Variants in CALCR observed in about 807,000 individuals in gnomAD.
CALCR encodes calcitonin receptor.
A neutral mutation model predicts 59.5 loss-of-function variants in CALCR; 47 were observed. That is an observed-to-expected ratio of 0.79 (90% confidence interval 0.63 to 1.01). The LOEUF is 1.01. CALCR is among the 50% of genes least tolerant of loss of function. CALCR has a pLI of 0.00. For missense variants in CALCR, 566 were observed against 597.1 expected (o/e 0.95, Z 0.54); for synonymous variants, 213 against 211.3 (o/e 1.01, Z -0.07).
chr7:93,495,962 G>A (rs1427345519), intron 2 of CALCR: 11 of 1,509,678 alleles, frequency 7.3e-6, no homozygotes, highest in Non-Finnish European at 9.7e-6. Flanking sequence ...TGGATCAGTG[G>A]GAATCATTTA....
chr7:93,429,456 T>C (rs1325677261), intron 13 of CALCR, among the ~76,000 whole-genome samples: 2 of 152,202 alleles, frequency 1.3e-5, no homozygotes, highest in African/African-American at 2.4e-5. Context: ...CTATTCACTT[T>C]ACTTTTTTTC....
chr7:93,573,055 A>G (rs1790041821), intron 2 of CALCR, among the ~76,000 whole-genome samples: 1 of 152,172 alleles, frequency 6.6e-6, no homozygotes, highest in African/African-American at 2.4e-5. Context: ...TACCAACTTA[A>G]ACTGTAAAGG....
intron 2 of CALCR, among the ~76,000 whole-genome samples, chr7:93,487,732 T>C (rs1005850251): frequency 4.0e-5 from 6 of 151,194 alleles, no homozygotes; most frequent in African/African-American, 1.2e-4. Context: ...TCAGTGGGAG[T>C]TGTGTGAAAC....
chr7:93,482,505 T>C (rs1800820739), intron 3 of CALCR, among the ~76,000 whole-genome samples: 1 of 151,852 alleles, frequency 6.6e-6, no homozygotes, highest in Non-Finnish European at 1.5e-5. Flanking sequence ...TTTGTTTAAA[T>C]CTGGCTTTCT....
intron 6 of CALCR, 143 bp downstream of exon 6, chr7:93,472,232 C>G: frequency 5.0e-6 from 3 of 594,448 alleles, no homozygotes; most frequent in Non-Finnish European, 9.1e-6. Context: ...TCTAGAGATT[C>G]CTAGAACTTA....
intron 2 of CALCR, among the ~76,000 whole-genome samples, chr7:93,503,407 A>AACACACACAC (rs112593093): frequency 1.3e-5 from 2 of 150,848 alleles, no homozygotes; most frequent in African/African-American, 4.9e-5. Context: ...AATAATTAGA[A>AACACACACAC]ACACACACAC....
chr7:93,531,700 T>C (rs537005613), intron 2 of CALCR, among the ~76,000 whole-genome samples: 2 of 152,242 alleles, frequency 1.3e-5, no homozygotes, highest in East Asian at 3.9e-4. Flanking sequence ...CTAGTTTCCA[T>C]GTCAACAATG....
intron 2 of CALCR, among the ~76,000 whole-genome samples, chr7:93,491,882 C>T (rs1371882156): frequency 6.6e-6 from 1 of 151,738 alleles, no homozygotes; most frequent in Non-Finnish European, 1.5e-5. Flanking sequence ...ACCATTTGAC[C>T]CAGCAATCCC....
intron 11 of CALCR, among the ~76,000 whole-genome samples, chr7:93,437,762 C>T (rs1799810029): frequency 6.6e-6 from 1 of 152,132 alleles, no homozygotes; most frequent in Admixed American, 6.6e-5. Flanking sequence ...CTTCTTGCAG[C>T]CCCTTGGCCT....
chr7:93,467,553 T>C (rs1457543541), intron 7 of CALCR, among the ~76,000 whole-genome samples: 2 of 151,760 alleles, frequency 1.3e-5, no homozygotes, highest in South Asian at 2.1e-4. Context: ...ATTAAGATTC[T>C]ACTATGTTTT....
chr7:93,542,582 A>G (rs1390710227), intron 2 of CALCR, among the ~76,000 whole-genome samples: 1 of 152,102 alleles, frequency 6.6e-6, no homozygotes, highest in Non-Finnish European at 1.5e-5. Context: ...TTTCTCCAAT[A>G]ATTTATATTT....
At chr7:93,450,412 C>T (rs937662828) in intron 8 of CALCR, among the ~76,000 whole-genome samples, 1 of 151,970 alleles carries the variant, frequency 6.6e-6, no homozygotes, top group Non-Finnish European at 1.5e-5. Flanking sequence ...ATGGACTCCA[C>T]ATTCACATGG....
At chr7:93,553,998 A>G (rs1259529332) in intron 2 of CALCR, among the ~76,000 whole-genome samples, 1 of 152,154 alleles carries the variant, frequency 6.6e-6, no homozygotes, top group Non-Finnish European at 1.5e-5. Flanking sequence ...ATGAAAAGAA[A>G]CCTATTTGTC....
chr7:93,432,734 A>C (rs1217982699), intron 13 of CALCR, among the ~76,000 whole-genome samples: 1 of 152,126 alleles, frequency 6.6e-6, no homozygotes, highest in African/African-American at 2.4e-5. Context: ...GGTATGCCCC[A>C]CTGAGCCTGA....
intron 8 of CALCR, among the ~76,000 whole-genome samples, chr7:93,457,236 A>C (rs1800227005): frequency 6.6e-6 from 1 of 152,202 alleles, no homozygotes; most frequent in East Asian, 1.9e-4. Flanking sequence ...CTTGTGAGCA[A>C]TCACTTGTAA....
chr7:93,429,919 T>C (rs1265835145), intron 13 of CALCR, among the ~76,000 whole-genome samples: 2 of 86,158 alleles, frequency 2.3e-5, no homozygotes, highest in East Asian at 8.9e-4. Context: ...AGACGGTTTT[T>C]TTTTTTGTTT....
Position 93,550,299 on chromosome 7 carries a change from G to A in CALCR, c.-27+23990C>T, listed in dbSNP as rs1036835890. Reference sequence around the variant, plus strand: ...GAGGTCAGGAGTTCGAGAGCAGCCTGGCCAACATGGTGAAATCCCGTCTCT... The same window carrying A: ...GAGGTCAGGAGTTCGAGAGCAGCCTAGCCAACATGGTGAAATCCCGTCTCT... On this transcript the variant is annotated intron_variant, in intron 2 of 13. Transcript: ENST00000426151. 3.3e-5 allele frequency among the ~76,000 whole-genome samples: 5 copies of A among 151,710 alleles called. No homozygotes were observed. In the South Asian group the frequency reaches 1.0e-3, roughly 32 times the overall value.
intron 2 of CALCR, among the ~76,000 whole-genome samples, chr7:93,518,798 A>C (rs937428990): frequency 1.3e-5 from 2 of 151,964 alleles, no homozygotes; most frequent in African/African-American, 4.8e-5. Context: ...AGCATTGTTA[A>C]GTTAAAAATA....
In CALCR at chr7:93,426,276, G is replaced by T. The variant is rs1478270003; in HGVS notation, c.*80C>A. 2 of 795,708 alleles carry T rather than the reference G, an allele frequency of 2.5e-6. No individual in the cohort carries two copies. The highest frequency in any genetic ancestry group is 4.4e-6 in the Non-Finnish European group (2 of 450,848). The allele number at this position is 795,708 out of a possible 1,614,324, so 49.3% of individuals were successfully genotyped here. A position where few individuals can be genotyped will look rare whatever the true frequency, so the allele number is the denominator to read the frequency against. On this transcript the variant is annotated 3_prime_UTR_variant, in exon 14 of 14. Coordinates refer to ENST00000426151, the MANE Select transcript of CALCR (RefSeq NM_001742.4). ...AAATGATATGTTCGGTTCCTGGGAG[G>T]ATGGAGAATACTTTAAATGCATGGT...
Sources: allele counts gnomAD v4.1 joint callset (sites outside exome capture counted in the v4.1 genomes callset), GRCh38; gene constraint gnomAD v4.1.1; transcripts MANE v1.5; gene names NCBI Gene and HGNC (gene_info 2026-07-23, HGNC 2026-07-21).